The following RSBN1 variants were observed in gnomAD, a reference collection of about 807,000 sequenced individuals.
RSBN1 encodes lysine-specific demethylase 9.
In RSBN1, 23 loss-of-function variants were observed where a neutral mutation model predicts 74.8. The ratio of observed to expected loss-of-function variants is 0.31; its 90% confidence interval spans 0.22 to 0.44. RSBN1 has a LOEUF of 0.44. Among genes scored for constraint, RSBN1 ranks in the 20% least tolerant of loss-of-function variants. The pLI, the probability that RSBN1 is intolerant of heterozygous loss-of-function variation, is 1.00. For synonymous variants in RSBN1, 407 were observed against 379.6 expected (o/e 1.07, Z -0.84); for missense variants, 808 against 1,020.9 (o/e 0.79, Z 2.84).
intron 2 of RSBN1, among the ~76,000 whole-genome samples, chr1:113,779,033 G>C (rs1660086417): frequency 6.6e-6 from 1 of 152,082 alleles, no homozygotes; most frequent in Non-Finnish European, 1.5e-5. Flanking sequence ...CATAGCAATG[G>C]ACTAGACTAG....
chr1:113,811,857 T>G lies in RSBN1; in HGVS notation c.556A>C (p.Lys186Gln), dbSNP rs1405985614. ...LTVSAAGPKH[K>Q]GHKERHKHHH... is the part of the protein sequence containing the mutation. ...TGCTTGTGCCGCTCCTTGTGGCCCT[T>G]ATGCTTGGGCCCGGCCGCGCTCACC... Residue 186 changes from lysine to glutamine, a missense_variant, in exon 1 of 7, where the codon AAG becomes CAG. Lys to Gln is a moderately conservative substitution (Grantham distance 53). Around this residue, in one of 6 missense-constraint regions of RSBN1, gnomAD observed 464 missense variants for 401.0 expected, o/e 1.16. Transcript: ENST00000261441. The G allele has an allele frequency of 6.2e-7, 1 of 1,613,524 alleles. No homozygotes were observed. Among genetic ancestry groups the G allele is most frequent in the East Asian group, 2.2e-5 (1 of 44,818 alleles).
Position 113,807,009 on chromosome 1 carries a change from C to G in RSBN1, c.703+4701G>C, listed in dbSNP as rs971179111. Among the ~76,000 whole-genome samples, 6 of 151,104 alleles carry G rather than the reference C, an allele frequency of 4.0e-5. No homozygotes were observed. In the East Asian group the frequency reaches 1.2e-3, roughly 30 times the overall value. On this transcript the variant is annotated intron_variant, in intron 1 of 6. Transcript: ENST00000261441. ...GCCTGGGTAACTGAGTGAGACCCTC[C>G]CCAAAAAAACAAAAACAAACAGGCT...
rs1420920955 is a variant in RSBN1 at position 113,777,803 on chromosome 1, G to A, written c.1383C>T (p.Asn461=). 3 of 1,573,690 alleles carry A rather than the reference G, an allele frequency of 1.9e-6. No homozygotes were observed. The highest frequency in any genetic ancestry group is 1.7e-5 in the Admixed American group (1 of 57,306). Residue 461 remains asparagine (N), a synonymous_variant, in exon 3 of 7, where the codon AAC becomes AAT. Coordinates refer to ENST00000261441, the MANE Select transcript of RSBN1 (RefSeq NM_018364.5). ...GGTAGGTGCCACAGCAGTATGTCCTGTTGACCTAAGATAAAACAAAAGAGG... is the reference window on the plus strand; with the variant it reads ...GGTAGGTGCCACAGCAGTATGTCCTATTGACCTAAGATAAAACAAAAGAGG... ...TTISNFHTQV[N]RTYCCGTYRA...
chr1:113,811,989 G>A lies in RSBN1; in HGVS notation c.424C>T (p.Leu142Phe). Residue 142 changes from leucine (L) to phenylalanine (F), a missense_variant, in exon 1 of 7, where the codon CTC becomes TTC. Around this residue, in one of 6 missense-constraint regions of RSBN1, gnomAD observed 464 missense variants for 401.0 expected, o/e 1.16. Transcript: ENST00000261441. ...GAAGGTGGCGGCGGAGGCGGCAGGA[G>A]AAGAGGCTCAACAGGGCCTGGGACA... Reference protein sequence around the residue: ...PTVPGPVEPLLLPPPPPPSLA... With the variant: ...PTVPGPVEPLFLPPPPPPSLA... 6.4e-7 allele frequency: 1 copy of A among 1,561,638 alleles called. No individual in the cohort carries two copies. Among genetic ancestry groups the A allele is most frequent in the Non-Finnish European group, 8.7e-7 (1 of 1,153,326 alleles).
Position 113,770,251 on chromosome 1 carries a change from A to T in RSBN1, c.1659-1862T>A, listed in dbSNP as rs543047612. Among the ~76,000 whole-genome samples, 4 of 152,352 alleles carry T rather than the reference A, an allele frequency of 2.6e-5. No homozygotes were observed. In the East Asian group the frequency reaches 7.7e-4, roughly 29 times the overall value. On this transcript the variant is annotated intron_variant, in intron 4 of 6. Transcript: ENST00000261441. ...TCTTCTATTAGATATAGCCAAATCA[A>T]GATGTGATGTCTAGAACTGCCTCAG...
intron 4 of RSBN1, among the ~76,000 whole-genome samples, chr1:113,772,629 C>T (rs1659907262): frequency 6.6e-6 from 1 of 152,180 alleles, no homozygotes; most frequent in Admixed American, 6.5e-5. Flanking sequence ...TGAACAGCTT[C>T]TCACATTTTT....
chr1:113,771,654 G>A (rs1325740977), intron 4 of RSBN1, among the ~76,000 whole-genome samples: 1 of 149,962 alleles, frequency 6.7e-6, no homozygotes, highest in Non-Finnish European at 1.5e-5. Context: ...TAGTCAAACA[G>A]ATGAGAAAGT....
rs529450611 is a variant in RSBN1 at position 113,804,088 on chromosome 1, C to T, written c.704-6052G>A. ...AGGTTACAGTGAGCTATAATCACTT[C>T]ACTACACTCCAGCCTGGGCAACCCC... On this transcript the variant is annotated intron_variant, in intron 1 of 6. Coordinates refer to ENST00000261441, the MANE Select transcript of RSBN1 (RefSeq NM_018364.5). 3.9e-5 allele frequency among the ~76,000 whole-genome samples: 6 copies of T among 152,088 alleles called. No individual in the cohort carries two copies. In the South Asian group the frequency reaches 1.2e-3, roughly 32 times the overall value.
intron 2 of RSBN1, among the ~76,000 whole-genome samples, chr1:113,790,737 A>G (rs1660348097): frequency 6.6e-6 from 1 of 152,182 alleles, no homozygotes; most frequent in South Asian, 2.1e-4. Context: ...TTCTAAAAAG[A>G]TGCTATCTAC....
intron 4 of RSBN1, among the ~76,000 whole-genome samples, chr1:113,775,039 T>C (rs1180983539): frequency 6.6e-6 from 1 of 152,084 alleles, no homozygotes; most frequent in Non-Finnish European, 1.5e-5. Context: ...TTTTTTTTTT[T>C]TGGAGATGAA....
chr1:113,788,955 T>C (rs1306888809), intron 2 of RSBN1, among the ~76,000 whole-genome samples: 1 of 151,630 alleles, frequency 6.6e-6, no homozygotes, highest in African/African-American at 2.4e-5. Context: ...ACAACCTCAA[T>C]GTCCAAGAAT....
chr1:113,789,661 G>C (rs1660327172), intron 2 of RSBN1, among the ~76,000 whole-genome samples: 1 of 152,140 alleles, frequency 6.6e-6, no homozygotes, highest in Non-Finnish European at 1.5e-5. Context: ...ACTGACTCTG[G>C]GTAGTGTCGG....
chr1:113,791,645 A>T (rs2101812669), intron 2 of RSBN1, among the ~76,000 whole-genome samples: 1 of 152,314 alleles, frequency 6.6e-6, no homozygotes, highest in East Asian at 1.9e-4. Flanking sequence ...ATAGAAAGGC[A>T]TTCCTACTTT....
chr1:113,812,173 G>C lies in RSBN1; in HGVS notation c.240C>G (p.Val80=). 1 of 1,609,150 alleles carries C rather than the reference G, an allele frequency of 6.2e-7. No homozygotes were observed. Among genetic ancestry groups the C allele is most frequent in the Non-Finnish European group, 8.5e-7 (1 of 1,179,828 alleles). Residue 80 remains valine, a synonymous_variant, in exon 1 of 7, where the codon GTC becomes GTG. Coordinates refer to ENST00000261441, the MANE Select transcript of RSBN1 (RefSeq NM_018364.5). ...GCTGCCGTTTAACTCCCCGCGGGGA[G>C]ACCCCAGCATGAGGTTTCTCCTTCC... The part of the protein sequence containing the change: ...KEGKEKPHAG[V]SPRGVKRQRR...
intron 1 of RSBN1, among the ~76,000 whole-genome samples, chr1:113,804,772 C>T (rs1660668370): frequency 6.6e-6 from 1 of 152,252 alleles, no homozygotes; most frequent in South Asian, 2.1e-4. Flanking sequence ...CCCAATAATT[C>T]TCCATTGCTA....
At chr1:113,779,144 G>A (rs1300719108) in intron 2 of RSBN1, among the ~76,000 whole-genome samples, 1 of 151,992 alleles carries the variant, frequency 6.6e-6, no homozygotes, top group Non-Finnish European at 1.5e-5. Flanking sequence ...ACATATAGCT[G>A]TACCTTTATA....
chr1:113,766,491 TG>T, intron 6 of RSBN1, 38 bp from the exon 7 acceptor site: 12 of 1,320,176 alleles, frequency 9.1e-6, no homozygotes, highest in East Asian at 2.3e-5. Context: ...CTTTAAAATA[TG>T]TAATAATTTA....
chr1:113,799,565 TACACACACACACACACACAC>T (rs66958734), intron 1 of RSBN1, among the ~76,000 whole-genome samples: 48 of 142,090 alleles, frequency 3.4e-4, no homozygotes, highest in Admixed American at 1.2e-3. Flanking sequence ...ATAGATGCTT[TACACACACACACACACACAC>T]ACACACACAC....
chr1:113,762,955 G>T lies in RSBN1; in HGVS notation c.*3025C>A, dbSNP rs1419865133. 1 of 152,654 alleles carries T rather than the reference G, an allele frequency of 6.6e-6. No individual in the cohort carries two copies. Among genetic ancestry groups the T allele is most frequent in the Non-Finnish European group, 1.5e-5 (1 of 67,986 alleles). 9.5% of individuals were successfully genotyped at this position (152,654 alleles called of 1,614,324 possible). Reference sequence around the variant, plus strand: ...AGTCTTTCACTAAAAAATAATAAAAGTACCAGTTAAACAAATTCTAAGTAC... The same window carrying T: ...AGTCTTTCACTAAAAAATAATAAAATTACCAGTTAAACAAATTCTAAGTAC... On this transcript the variant is annotated 3_prime_UTR_variant, in exon 7 of 7. Transcript: ENST00000261441.
Sources: gnomAD v4.1 joint callset for allele counts (sites outside exome capture counted in the v4.1 genomes callset) on GRCh38, gnomAD v4.1.1 for gene constraint, gnomAD v4.1.1 regional missense constraint, MANE v1.5 for transcripts, NCBI Gene and HGNC (gene_info 2026-07-23, HGNC 2026-07-21) for gene names.